MROH9: variants seen among roughly 807,000 people sequenced by gnomAD.
MROH9 encodes maestro heat-like repeat-containing protein family member 9.
A neutral mutation model predicts 98.2 loss-of-function variants in MROH9; 92 were observed. That is an observed-to-expected ratio of 0.94 (90% CI 0.79 to 1.11). The LOEUF (loss-of-function observed/expected upper bound fraction) is 1.11, where lower values mean the gene tolerates loss of function less well. MROH9 is among the 50% of genes most tolerant of loss of function. MROH9 has a pLI of 0.00. For missense variants in MROH9, 1,057 were observed against 1,014.8 expected (o/e 1.04, Z -0.57); for synonymous variants, 397 against 368.9 (o/e 1.08, Z -0.87).
Position 171,035,272 on chromosome 1 carries a change from G to C in MROH9, c.2281+9852G>C, listed in dbSNP as rs561092251. ...AATCCAATAGATCAAAAAATAAAAC[G>C]TACAAAAAATAATAATAAATATAAA... is the stretch of plus-strand genomic sequence containing the variant. On this transcript the variant is annotated intron_variant, in intron 20 of 21. Transcript: ENST00000367759. Among the ~76,000 whole-genome samples the C allele has an allele frequency of 7.0e-3, 1,052 of 151,162 alleles. 12 individuals carry two copies. Among genetic ancestry groups the C allele is most frequent in the African/African-American group, 0.025 (1,013 of 41,296 alleles).
intron 8 of MROH9, among the ~76,000 whole-genome samples, chr1:170,975,644 A>G (rs1317360823): frequency 6.6e-6 from 1 of 151,984 alleles, no homozygotes; most frequent in Non-Finnish European, 1.5e-5. Flanking sequence ...GTGGTATTTG[A>G]CTTTCTGTTT....
Position 170,995,508 on chromosome 1 carries a change from A to G in MROH9, c.1314A>G (p.Lys438=). The G allele has an allele frequency of 6.2e-7, 1 of 1,613,218 alleles. No individual in the cohort carries two copies. The highest frequency in any genetic ancestry group is 1.1e-5 in the South Asian group (1 of 91,054). ...MFQVFYNSEL[K]PILKDRALYA... is the part of the protein sequence containing the mutation. ...AAGTCTTCTACAACAGTGAGCTGAA[A>G]CCGATACTCAAGGACAGGGCTTTGT... The change falls in exon 13 of 22, where the codon AAA becomes AAG. Residue 438 remains lysine, a synonymous_variant. Transcript: ENST00000367759.
Position 170,983,402 on chromosome 1 carries a change from T to C in MROH9, c.617-20T>C. The C allele has an allele frequency of 2.6e-6, 4 of 1,531,926 alleles. No individual in the cohort carries two copies. The highest frequency in any genetic ancestry group is 3.6e-6 in the Non-Finnish European group (4 of 1,110,610). 94.9% of individuals were successfully genotyped at this position (1,531,926 alleles called of 1,614,324 possible). A position where few individuals can be genotyped will look rare whatever the true frequency, so the allele number is the denominator to read the frequency against. On this transcript the variant is annotated intron_variant, in intron 8 of 21. Transcript: ENST00000367759. ...AAGTGATCAAATAACAACCTGAAACTCTTTTTCTTAACAAAGCAGATATTG... is the reference window on the plus strand; with the variant it reads ...AAGTGATCAAATAACAACCTGAAACCCTTTTTCTTAACAAAGCAGATATTG...
chr1:170,988,334 T>C lies in MROH9; in HGVS notation c.880-1521T>C, dbSNP rs146496144. Among the ~76,000 whole-genome samples the C allele has an allele frequency of 1.6e-3, 237 of 152,256 alleles. 1 individual carries two copies. Among genetic ancestry groups the C allele is most frequent in the Non-Finnish European group, 2.3e-3 (154 of 68,016 alleles). ...AGGAAAGGGGAGGAGATGCTTTATATAGAACTCTCAATGCTGCTGCAGATG... is the reference window on the plus strand; with the variant it reads ...AGGAAAGGGGAGGAGATGCTTTATACAGAACTCTCAATGCTGCTGCAGATG... On this transcript the variant is annotated intron_variant, in intron 10 of 21. Transcript: ENST00000367759.
chr1:171,006,677 T>C (rs1651963235), intron 15 of MROH9, among the ~76,000 whole-genome samples: 1 of 148,030 alleles, frequency 6.8e-6, no homozygotes, highest in South Asian at 2.1e-4. Flanking sequence ...TCTTTTTCTT[T>C]TTTTTTTTTT....
At chr1:171,016,705 C>T (rs1037684821) in intron 17 of MROH9, among the ~76,000 whole-genome samples, 1 of 151,986 alleles carries the variant, frequency 6.6e-6, no homozygotes, top group African/African-American at 2.4e-5. Context: ...ACTTTTTCCC[C>T]ATCTATAAAA....
intron 20 of MROH9, among the ~76,000 whole-genome samples, chr1:171,045,207 A>G (rs1653435280): frequency 6.6e-6 from 1 of 151,280 alleles, no homozygotes; most frequent in African/African-American, 2.4e-5. Context: ...TCATTGTGTT[A>G]GCCAGGATGG....
chr1:171,057,377 A>C (rs1386991534), intron 20 of MROH9, among the ~76,000 whole-genome samples: 1 of 152,210 alleles, frequency 6.6e-6, no homozygotes, highest in South Asian at 2.1e-4. Flanking sequence ...GAGTTTGAAG[A>C]CCACTTTATT....
At chr1:170,986,205 C>T (rs1177863819) in intron 9 of MROH9, among the ~76,000 whole-genome samples, 1 of 152,174 alleles carries the variant, frequency 6.6e-6, no homozygotes, top group Non-Finnish European at 1.5e-5. Flanking sequence ...GACTTCCTCA[C>T]TCTGTCCCCT....
chr1:171,017,160 A>C lies in MROH9; in HGVS notation c.1908+824A>C, dbSNP rs1468779331. Reference sequence around the variant, plus strand: ...TAAAGGGGCGGGGGCCAAGATGGTCAACTAGAAGCAGCAGCATCCGGAAGC... The same window carrying C: ...TAAAGGGGCGGGGGCCAAGATGGTCCACTAGAAGCAGCAGCATCCGGAAGC... On this transcript the variant is annotated intron_variant, in intron 17 of 21. Transcript: ENST00000367759. Among the ~76,000 whole-genome samples, 3 of 152,242 alleles carry C rather than the reference A, an allele frequency of 2.0e-5. No individual in the cohort carries two copies. The East Asian group carries it at 5.8e-4, about 29-fold the overall frequency.
chr1:171,004,364 T>A (rs1390266627), intron 15 of MROH9, among the ~76,000 whole-genome samples: 1 of 152,134 alleles, frequency 6.6e-6, no homozygotes, highest in Non-Finnish European at 1.5e-5. Context: ...TCCTGATGGA[T>A]CCCTGTGGTG....
intron 9 of MROH9, 91 bp from the exon 10 acceptor site, chr1:170,986,470 G>GCT: frequency 7.2e-7 from 1 of 1,387,104 alleles, no homozygotes; most frequent in Non-Finnish European, 9.8e-7. Context: ...GCCCTGCTTG[G>GCT]CTCTTGAGCA....
intron 20 of MROH9, among the ~76,000 whole-genome samples, chr1:171,048,181 G>C (rs1326297926): frequency 6.6e-6 from 1 of 152,106 alleles, no homozygotes; most frequent in Non-Finnish European, 1.5e-5. Context: ...CACGGCCTGT[G>C]GAGCTCTACA....
At chr1:170,953,742 G>T (rs576598601) in intron 3 of MROH9, among the ~76,000 whole-genome samples, 1 of 136,538 alleles carries the variant, frequency 7.3e-6, no homozygotes, top group East Asian at 2.3e-4. Flanking sequence ...GAAAAGAAAA[G>T]AAAAGAAAAG....
chr1:171,044,713 T>C (rs1653407613), intron 20 of MROH9, among the ~76,000 whole-genome samples: 1 of 152,106 alleles, frequency 6.6e-6, no homozygotes, highest in Non-Finnish European at 1.5e-5. Context: ...ATCTAGGAAT[T>C]TGTCCATTTC....
At chr1:170,945,120 C>T (rs28475689) in intron 1 of MROH9, among the ~76,000 whole-genome samples, 82,725 of 151,534 alleles carry the variant, frequency 0.55, 22,880 homozygotes, top group South Asian at 0.67. Flanking sequence ...AAACCGCAGA[C>T]GGCTTCTAGA....
At chr1:171,014,694 C>G (rs1652270680) in intron 16 of MROH9, among the ~76,000 whole-genome samples, 1 of 152,124 alleles carries the variant, frequency 6.6e-6, no homozygotes, top group South Asian at 2.1e-4. Context: ...AATGATCAGC[C>G]CAAGTCAAAC....
chr1:170,995,532 G>C lies in MROH9; in HGVS notation c.1337+1G>C, dbSNP rs771021150. On this transcript the variant is annotated splice_donor_variant, in intron 13 of 21. Coordinates refer to ENST00000367759, the MANE Select transcript of MROH9 (RefSeq NM_001163629.2). LOFTEE classifies it high-confidence loss of function. ...AACCGATACTCAAGGACAGGGCTTT[G>C]TGAGTTAAAACTGGTTATTTCAGAT... 6.2e-6 allele frequency: 10 copies of C among 1,612,972 alleles called. No individual in the cohort carries two copies. The Admixed American group carries it at 1.3e-4, about 22-fold the overall frequency.
chr1:170,983,597 A>G, intron 9 of MROH9, 63 bp downstream of exon 9: 1 of 937,492 alleles, frequency 1.1e-6, no homozygotes, highest in Non-Finnish European at 1.7e-6. Flanking sequence ...CTTAGTAACA[A>G]TTTATTTCAA....
Sources: gnomAD v4.1 joint callset for allele counts (sites outside exome capture counted in the v4.1 genomes callset) on GRCh38, gnomAD v4.1.1 for gene constraint, MANE v1.5 for transcripts, NCBI Gene and HGNC (gene_info 2026-07-23, HGNC 2026-07-21) for gene names.